The following NCALD variants were observed in gnomAD, a reference collection of about 807,000 sequenced individuals.
NCALD encodes neurocalcin delta, also known as neurocalcin-delta.
A neutral mutation model predicts 18.6 loss-of-function variants in NCALD; 10 were observed. That is an observed-to-expected ratio of 0.54 (90% CI 0.33 to 0.91). The LOEUF (loss-of-function observed/expected upper bound fraction) is 0.91, where lower values mean the gene tolerates loss of function less well. NCALD is among the 40% of genes least tolerant of loss of function. The pLI, the probability that NCALD is intolerant of heterozygous loss-of-function variation, is 0.03. For synonymous variants in NCALD, 88 were observed against 87.4 expected, an observed-to-expected ratio of 1.01 and a Z score of -0.04; for missense variants, 184 against 247.6, an observed-to-expected ratio of 0.74 and a Z score of 1.72.
At chr8:101,743,874 T>A (rs1810316402) in intron 1 of NCALD, among the ~76,000 whole-genome samples, 1 of 152,156 alleles carries the variant, frequency 6.6e-6, no homozygotes, top group African/African-American at 2.4e-5. Context: ...AACACTTGAG[T>A]AACCACAGTA....
intron 1 of NCALD, among the ~76,000 whole-genome samples, chr8:101,726,208 T>G (rs764754225): frequency 4.6e-5 from 7 of 152,184 alleles, no homozygotes; most frequent in Non-Finnish European, 1.0e-4. Flanking sequence ...AGGGACTTTC[T>G]GCTTTCCCTC....
intron 4 of NCALD, among the ~76,000 whole-genome samples, chr8:101,834,269 G>A (rs1233721503): frequency 6.6e-6 from 1 of 152,250 alleles, no homozygotes; most frequent in Non-Finnish European, 1.5e-5. Context: ...CATAACGTGT[G>A]AAGAGGTGCC....
chr8:101,730,479 C>CAAAAAAAAAAA (rs869241027), intron 1 of NCALD, among the ~76,000 whole-genome samples: 5 of 43,664 alleles, frequency 1.1e-4, no homozygotes, highest in Admixed American at 3.0e-4. Context: ...GACTCCATCT[C>CAAAAAAAAAAA]AAAAAAAAAA....
chr8:101,755,526 T>C (rs1039570090), intron 1 of NCALD, among the ~76,000 whole-genome samples: 3 of 152,150 alleles, frequency 2.0e-5, no homozygotes, highest in Admixed American at 1.3e-4. Flanking sequence ...ACCTCTTTCC[T>C]CCACCATTCA....
At chr8:102,078,715 C>A (rs1159728680) in intron 1 of NCALD, among the ~76,000 whole-genome samples, 1 of 152,252 alleles carries the variant, frequency 6.6e-6, no homozygotes, top group African/African-American at 2.4e-5. Flanking sequence ...TGATTCAAGT[C>A]TATTCAAATG....
At chr8:101,955,397 G>A (rs1447946088) in intron 2 of NCALD, among the ~76,000 whole-genome samples, 1 of 152,048 alleles carries the variant, frequency 6.6e-6, no homozygotes, top group Non-Finnish European at 1.5e-5. Flanking sequence ...CCTAGAACAA[G>A]GCAAAAGCTG....
At chr8:101,995,385 A>G (rs1821200202) in intron 2 of NCALD, among the ~76,000 whole-genome samples, 1 of 152,194 alleles carries the variant, frequency 6.6e-6, no homozygotes. Flanking sequence ...ATAAAGAAAT[A>G]CCTGAGCCTG....
intron 2 of NCALD, among the ~76,000 whole-genome samples, chr8:101,961,135 G>T (rs972663702): frequency 6.6e-6 from 1 of 152,172 alleles, no homozygotes; most frequent in Non-Finnish European, 1.5e-5. Context: ...CATGGTAGGT[G>T]TGTAATAAAT....
At chr8:101,753,903 A>G (rs190275738) in intron 1 of NCALD, among the ~76,000 whole-genome samples, 1 of 152,218 alleles carries the variant, frequency 6.6e-6, no homozygotes, top group Admixed American at 6.5e-5. Context: ...GTTCTGTGAG[A>G]TAACATATGA....
At chr8:101,722,806 A>G (rs1816418896) in intron 1 of NCALD, among the ~76,000 whole-genome samples, 1 of 152,208 alleles carries the variant, frequency 6.6e-6, no homozygotes, top group Non-Finnish European at 1.5e-5. Flanking sequence ...ATTCATCAGC[A>G]CAGAAAGGCC....
At chr8:101,723,333 A>T (rs1046578770) in intron 1 of NCALD, among the ~76,000 whole-genome samples, 1 of 152,160 alleles carries the variant, frequency 6.6e-6, no homozygotes, top group African/African-American at 2.4e-5. Context: ...TCAGAGACTT[A>T]TTGCTTTAAG....
chr8:101,945,069 G>A (rs1182715799), intron 2 of NCALD, among the ~76,000 whole-genome samples: 1 of 152,202 alleles, frequency 6.6e-6, no homozygotes, highest in East Asian at 1.9e-4. Flanking sequence ...CATCTGTTAA[G>A]AGGCCTTCTT....
chr8:101,812,647 G>A (rs190994973), intron 4 of NCALD, among the ~76,000 whole-genome samples: 131 of 152,284 alleles, frequency 8.6e-4, no homozygotes, highest in African/African-American at 2.7e-3. Context: ...TGGATAAAAC[G>A]AAGATGTATG....
At chr8:101,754,003 T>C (rs1810769915) in intron 1 of NCALD, among the ~76,000 whole-genome samples, 1 of 152,164 alleles carries the variant, frequency 6.6e-6, no homozygotes, top group African/African-American at 2.4e-5. Context: ...CCCCAACCAC[T>C]GGTAAGAACC....
chr8:102,037,630 C>T (rs1267040197), intron 1 of NCALD, among the ~76,000 whole-genome samples: 2 of 144,794 alleles, frequency 1.4e-5, no homozygotes, highest in Non-Finnish European at 3.0e-5. Flanking sequence ...TTTCTCCTTT[C>T]TTCTAATTTT....
intron 2 of NCALD, among the ~76,000 whole-genome samples, chr8:101,917,062 A>G (rs904615431): frequency 1.3e-5 from 2 of 152,156 alleles, no homozygotes; most frequent in Admixed American, 1.3e-4. Flanking sequence ...TCATCTGCAC[A>G]TGAAACATAC....
intron 4 of NCALD, among the ~76,000 whole-genome samples, chr8:101,876,497 T>C (rs753847754): frequency 6.6e-6 from 1 of 152,226 alleles, no homozygotes; most frequent in South Asian, 2.1e-4. Context: ...ATATAGACCA[T>C]GACAGTTGTA....
At chr8:101,931,768 C>T (rs941012206) in intron 2 of NCALD, among the ~76,000 whole-genome samples, 3 of 152,164 alleles carry the variant, frequency 2.0e-5, no homozygotes, top group Non-Finnish European at 2.9e-5. Context: ...CCCTGCAAAG[C>T]ACTCTATACA....
intron 4 of NCALD, among the ~76,000 whole-genome samples, chr8:101,807,149 A>T (rs1813133290): frequency 6.6e-6 from 1 of 152,148 alleles, no homozygotes; most frequent in African/African-American, 2.4e-5. Context: ...ACTTCACAAG[A>T]AATACTAATG....
Sources: allele counts gnomAD v4.1 joint callset (sites outside exome capture counted in the v4.1 genomes callset), GRCh38; gene constraint gnomAD v4.1.1; transcripts MANE v1.5; gene names NCBI Gene and HGNC (gene_info 2026-07-23, HGNC 2026-07-21).